Variants in HK3 observed in about 807,000 individuals in gnomAD.
HK3 encodes the protein hexokinase 3.
HK3 carries 93 observed loss-of-function variants against 91.0 expected under a neutral mutation model. That is an observed-to-expected ratio of 1.02 (90% CI 0.86 to 1.21). The LOEUF (loss-of-function observed/expected upper bound fraction) is 1.21. Ranked by LOEUF, HK3 falls within the 50% of genes most tolerant of loss-of-function variation. The pLI, the probability that HK3 is intolerant of heterozygous loss-of-function variation, is 0.00. For synonymous variants in HK3, 519 were observed against 516.9 expected (o/e 1.00, Z -0.06); for missense variants, 1,235 against 1,247.4 (o/e 0.99, Z 0.15).
At chr5:176,882,498 C>G (rs1299395364) in intron 15 of HK3, among the ~76,000 whole-genome samples, 2 of 152,188 alleles carry the variant, frequency 1.3e-5, no homozygotes, top group Non-Finnish European at 2.9e-5. Context: ...CCTGCCAGGC[C>G]CTTAATCCAA....
rs1412289970 is a variant in HK3 at position 176,887,232 on chromosome 5, G to C, written c.1706C>G (p.Pro569Arg). Residue 569 changes from proline (P) to arginine (R), a missense_variant, in exon 12 of 19, where the codon CCC (proline) becomes CGC (arginine). This residue lies in a region of HK3 where 5 missense variants were observed against 18.4 expected (regional missense o/e 0.27). Coordinates refer to ENST00000292432, the MANE Select transcript of HK3 (RefSeq NM_002115.3). This position sits in a 1 kb window ranked among gnomAD's most constrained non-coding sequence, Gnocchi z 4.9. ...VQITSEIYSI[P>R]ETVAQGSGQQ... ...CCCAGAACCCTGGGCCACAGTCTCG[G>C]GAATGGAGTAGATCTCGCTGGTGAT... 1 of 1,614,044 alleles carries C rather than the reference G, an allele frequency of 6.2e-7. No homozygotes were observed. Among genetic ancestry groups the C allele is most frequent in the South Asian group, 1.1e-5 (1 of 91,086 alleles).
Position 176,887,799 on chromosome 5 carries a change from C to A in HK3, c.1305-53G>T. On this transcript the variant is annotated intron_variant, in intron 10 of 18. Coordinates refer to ENST00000292432, the MANE Select transcript of HK3 (RefSeq NM_002115.3). The surrounding 1 kb of genome is among the most constrained non-coding windows in gnomAD (Gnocchi z 4.9). ...TTGGCCCTGGACCCCCAGACACACACAGGTGTGCACGGCTTGGCCCTGGAC... is the reference window on the plus strand; with the variant it reads ...TTGGCCCTGGACCCCCAGACACACAAAGGTGTGCACGGCTTGGCCCTGGAC... The A allele has an allele frequency of 6.4e-7, 1 of 1,550,450 alleles. No individual in the cohort carries two copies. The highest frequency in any genetic ancestry group is 1.4e-5 in the African/African-American group (1 of 73,784).
chr5:176,889,572 A>G lies in HK3; in HGVS notation c.731-8T>C. On this transcript the variant is annotated splice_region_variant and splice_polypyrimidine_tract_variant and intron_variant, in intron 7 of 18. Transcript: ENST00000292432. ...ACGCGTTGGTGCCCGTGTCTGGCAG[A>G]GACAACCCTGTCAAGGCCTGCTAGC... 6.2e-7 allele frequency: 1 copy of G among 1,614,122 alleles called. No individual in the cohort carries two copies. The highest frequency in any genetic ancestry group is 8.5e-7 in the Non-Finnish European group (1 of 1,179,964).
chr5:176,893,753 C>T (rs1316286570), intron 2 of HK3, among the ~76,000 whole-genome samples: 3 of 152,170 alleles, frequency 2.0e-5, no homozygotes, highest in Non-Finnish European at 4.4e-5. Flanking sequence ...GGAGGAGAGA[C>T]TAGAAGACAG....
rs142705083 is a variant in HK3, at chr5:176,888,726, G to A, written c.1053C>T (p.His351=). ...LLSQGSILLE[H]VAEMEDPSTG... Reference sequence around the variant, plus strand: ...CGACTCACTCCTCCATCTCAGCCACGTGTTCCAGGAGGATGCTGCCTTGGC... The same window carrying A: ...CGACTCACTCCTCCATCTCAGCCACATGTTCCAGGAGGATGCTGCCTTGGC... The change falls in exon 9 of 19, where the codon CAC becomes CAT. Residue 351 remains histidine, a synonymous_variant. Transcript: ENST00000292432. The A allele has an allele frequency of 9.9e-6, 16 of 1,614,092 alleles. No individual in the cohort carries two copies. The highest frequency in any genetic ancestry group is 9.3e-5 in the African/African-American group (7 of 74,920).
rs768778799 is a variant in HK3, at chr5:176,884,095, C to G, written c.1897G>C (p.Asp633His). 6.2e-7 allele frequency: 1 copy of G among 1,614,174 alleles called. No homozygotes were observed. The highest frequency in any genetic ancestry group is 2.2e-5 in the East Asian group (1 of 44,882). ...LNWTKGFKASDCEGQDVVSLL... is the reference protein window; with the variant it reads ...LNWTKGFKASHCEGQDVVSLL... ...CTCACGACATCTTGGCCCTCGCAGT[C>G]TGATGCCTTGAAACCCTTGGTCCAG... is the stretch of plus-strand genomic sequence containing the variant. The change falls in exon 14 of 19, where the codon GAC becomes CAC. Residue 633 changes from aspartate (D) to histidine (H), a missense_variant. By Grantham distance (81) the Asp-to-His change is moderately conservative. This residue lies in a region of HK3 where 513 missense variants were observed against 477.4 expected (regional missense o/e 1.07). Transcript: ENST00000292432. This position sits in a 1 kb window ranked among gnomAD's most constrained non-coding sequence, Gnocchi z 4.1.
chr5:176,898,641 T>C (rs1376405293), intron 1 of HK3, among the ~76,000 whole-genome samples: 2 of 152,208 alleles, frequency 1.3e-5, no homozygotes, highest in African/African-American at 4.8e-5. Context: ...GCTAGGTAAA[T>C]GTATTCAGCT....
At chr5:176,896,293 G>A in intron 1 of HK3, 108 bp from the exon 2 acceptor site, 1 of 527,578 alleles carries the variant, frequency 1.9e-6, no homozygotes, top group South Asian at 3.3e-5. Context: ...GAAGGAAGCT[G>A]GGAGCAGAAT....
Position 176,891,384 on chromosome 5 carries a change from C to T in HK3, c.259+4G>A, listed in dbSNP as rs762548679. 2.5e-6 allele frequency: 4 copies of T among 1,612,112 alleles called. No individual in the cohort carries two copies. The highest frequency in any genetic ancestry group is 3.4e-6 in the Non-Finnish European group (4 of 1,179,042). On this transcript the variant is annotated splice_donor_region_variant and intron_variant, in intron 3 of 18. Coordinates refer to ENST00000292432, the MANE Select transcript of HK3 (RefSeq NM_002115.3). ...GGCCACGCATCTCAATCTATGATAC[C>T]CACCAGTGCCATGTGGGGTGGACCC...
Position 176,881,514 on chromosome 5 carries a change from C to T in HK3, c.2415G>A (p.Gln805=), listed in dbSNP as rs1429879384. The change falls in exon 18 of 19, where the codon CAG becomes CAA. Residue 805 remains glutamine (Q), a synonymous_variant. Transcript: ENST00000292432. ...CCAGATCCTCTAGGATGGCTCGGAC[C>T]TGCCGCAGGGCCAGGCTGTCACTGG... The part of the protein sequence containing the change: ...EIESDSLALR[Q]VRAILEDLGL... 1.2e-6 allele frequency: 2 copies of T among 1,604,238 alleles called. No homozygotes were observed. The highest frequency in any genetic ancestry group is 2.2e-5 in the East Asian group (1 of 44,798).
chr5:176,887,124 G>C lies in HK3; in HGVS notation c.1738-3C>G, dbSNP rs372362186. ...CAGTCCACGATGTGGTCAAAGAGCT[G>C]TGGGGCAGGACAGGTCAGGCGTAGG... On this transcript the variant is annotated splice_region_variant and splice_polypyrimidine_tract_variant and intron_variant, in intron 12 of 18. Transcript: ENST00000292432. This position sits in a 1 kb window ranked among gnomAD's most constrained non-coding sequence, Gnocchi z 4.9. 5.6e-6 allele frequency: 9 copies of C among 1,614,104 alleles called. No homozygotes were observed. The highest frequency in any genetic ancestry group is 7.6e-6 in the Non-Finnish European group (9 of 1,180,050).
At chr5:176,898,958 C>T (rs973838769) in intron 1 of HK3, among the ~76,000 whole-genome samples, 4 of 152,052 alleles carry the variant, frequency 2.6e-5, no homozygotes, top group Admixed American at 1.3e-4. Flanking sequence ...CATGGCAAAA[C>T]GCCATCGCTA....
In HK3 at chr5:176,888,750, G is replaced by C. The variant is rs375404130; in HGVS notation, c.1029C>G (p.Ser343Arg). The C allele has an allele frequency of 7.4e-6, 12 of 1,614,072 alleles. No individual in the cohort carries two copies. The highest frequency in any genetic ancestry group is 2.7e-5 in the African/African-American group (2 of 74,918). ...FGGCTSPALL[S>R]QGSILLEHVA... Reference sequence around the variant, plus strand: ...CGTGTTCCAGGAGGATGCTGCCTTGGCTCAGCAGGGCAGGGGAGGTGCAGC... The same window carrying C: ...CGTGTTCCAGGAGGATGCTGCCTTGCCTCAGCAGGGCAGGGGAGGTGCAGC... Residue 343 changes from serine (S) to arginine (R), a missense_variant, in exon 9 of 19, where the codon AGC becomes AGG. By Grantham distance (110) the Ser-to-Arg change is moderately radical (BLOSUM62 -1). This residue lies in a region of HK3 where 717 missense variants were observed against 751.6 expected (regional missense o/e 0.95). Coordinates refer to ENST00000292432, the MANE Select transcript of HK3 (RefSeq NM_002115.3).
rs764100866 is a variant in HK3, at chr5:176,884,035, C to A, written c.1953+4G>T. 5.6e-6 allele frequency: 9 copies of A among 1,613,440 alleles called. No individual in the cohort carries two copies. The East Asian group carries it at 2.0e-4, about 36-fold the overall frequency. ...CCCAAAGCACCCCTAGAACAGGCTCCTACCTGTCTGCGAGTGATGGCTTCC... is the reference window on the plus strand; with the variant it reads ...CCCAAAGCACCCCTAGAACAGGCTCATACCTGTCTGCGAGTGATGGCTTCC... On this transcript the variant is annotated splice_donor_region_variant and intron_variant, in intron 14 of 18. Coordinates refer to ENST00000292432, the MANE Select transcript of HK3 (RefSeq NM_002115.3). This position sits in a 1 kb window ranked among gnomAD's most constrained non-coding sequence, Gnocchi z 4.1.
At chr5:176,892,172 G>A (rs1226453312) in intron 2 of HK3, among the ~76,000 whole-genome samples, 4 of 152,192 alleles carry the variant, frequency 2.6e-5, no homozygotes, top group Non-Finnish European at 5.9e-5. Flanking sequence ...AGATTCCAGG[G>A]TGGGAGACAG....
chr5:176,898,127 G>A (rs1758950734), intron 1 of HK3, among the ~76,000 whole-genome samples: 1 of 152,084 alleles, frequency 6.6e-6, no homozygotes, highest in Non-Finnish European at 1.5e-5. Flanking sequence ...CCCACACACT[G>A]CACCAGACCA....
At position 176,888,832 on chromosome 5, in the gene HK3, C is replaced by A; in HGVS notation, c.947G>T (p.Gly316Val). 1 of 1,614,202 alleles carries A rather than the reference C, an allele frequency of 6.2e-7. No individual in the cohort carries two copies. Among genetic ancestry groups the A allele is most frequent in the Non-Finnish European group, 8.5e-7 (1 of 1,180,024 alleles). The change falls in exon 9 of 19, where the codon GGT (glycine) becomes GTT (valine). Residue 316 changes from glycine (G) to valine (V), a missense_variant. By Grantham distance (109) the Gly-to-Val change is moderately radical. Transcript: ENST00000292432. ...AGCCAGCACCAGCCGCACCAGCTCA[C>A]CCAGGTACAGGCCTCCGATCATCTT... ...FEKMIGGLYL[G>V]ELVRLVLAHL...
At chr5:176,895,971 T>C in intron 2 of HK3, 93 bp downstream of exon 2, 2 of 987,730 alleles carry the variant, frequency 2.0e-6, no homozygotes, top group Non-Finnish European at 3.3e-6. Flanking sequence ...AGGGGCTGCA[T>C]GGGTGAGAGC....
chr5:176,881,675 A>G lies in HK3; in HGVS notation c.2393+17T>C. Reference sequence around the variant, plus strand: ...AAGACCCCCTGAAGTGGGGGAGGCAATGTAGGCCTCAGGCACCTTTCGATC... The same window carrying G: ...AAGACCCCCTGAAGTGGGGGAGGCAGTGTAGGCCTCAGGCACCTTTCGATC... On this transcript the variant is annotated intron_variant, in intron 17 of 18. Coordinates refer to ENST00000292432, the MANE Select transcript of HK3 (RefSeq NM_002115.3). 1 of 1,613,632 alleles carries G rather than the reference A, an allele frequency of 6.2e-7. No individual in the cohort carries two copies. Among genetic ancestry groups the G allele is most frequent in the South Asian group, 1.1e-5 (1 of 91,082 alleles).
Sources: gnomAD v4.1 joint callset for allele counts (sites outside exome capture counted in the v4.1 genomes callset) on GRCh38, gnomAD v4.1.1 for gene constraint, gnomAD v4.1.1 regional missense constraint, Gnocchi (gnomAD v3.1) non-coding constraint, MANE v1.5 for transcripts, NCBI Gene and HGNC (gene_info 2026-07-23, HGNC 2026-07-21) for gene names.